The following PHKA1 variants were observed in gnomAD, a reference collection of about 807,000 sequenced individuals.
The protein encoded by PHKA1 is phosphorylase b kinase regulatory subunit alpha, skeletal muscle isoform.
PHKA1 carries 60 observed loss-of-function variants against 110.2 expected under a neutral mutation model. The observed-to-expected ratio is 0.54, with a 90% CI of 0.44 to 0.68. The LOEUF is 0.68. PHKA1 is among the 30% of genes least tolerant of loss of function. The probability of loss-of-function intolerance (pLI) is 0.00; values close to 1 mark genes in which losing one functional copy is unlikely to be tolerated. For synonymous variants in PHKA1, 316 were observed against 333.6 expected (o/e 0.95, Z 0.58); for missense variants, 801 against 942.5 (o/e 0.85, Z 1.97).
intron 2 of PHKA1, among the ~76,000 whole-genome samples, chrX:72,706,335 C>T (rs2054283093): frequency 9.0e-6 from 1 of 111,692 alleles, no homozygotes; most frequent in Non-Finnish European, 1.9e-5. Context: ...ATGATCTTGT[C>T]ACATTTTAAA....
At chrX:72,636,164 G>A in intron 15 of PHKA1, 113 bp downstream of exon 15, 1 of 521,643 alleles carries the variant, frequency 1.9e-6, no homozygotes. Context: ...TTATGTGCAA[G>A]GCCTGGTGGA....
At chrX:72,650,779 T>A (rs189904160) in intron 12 of PHKA1, among the ~76,000 whole-genome samples, 1 of 112,022 alleles carries the variant, frequency 8.9e-6, no homozygotes, top group Non-Finnish European at 1.9e-5. Context: ...TGGAGTGCAG[T>A]GGTGCAATCA....
intron 5 of PHKA1, among the ~76,000 whole-genome samples, chrX:72,682,323 G>A (rs1392690481): frequency 9.5e-6 from 1 of 104,994 alleles, no homozygotes; most frequent in South Asian, 4.4e-4. Context: ...CAGCCGCCCC[G>A]TCCGGGAGGG....
At chrX:72,630,284 AGCGGGGGTGGGG>A in intron 16 of PHKA1, among the ~76,000 whole-genome samples, 2 of 97,934 alleles carry the variant, frequency 2.0e-5, no homozygotes, top group Non-Finnish European at 4.0e-5. Context: ...AAAGAAAAAG[AGCGGGGGTGGGG>A]GAGAGAGAGA....
At chrX:72,676,359 G>A (rs1340184788) in intron 5 of PHKA1, among the ~76,000 whole-genome samples, 1 of 110,921 alleles carries the variant, frequency 9.0e-6, no homozygotes, top group Non-Finnish European at 1.9e-5. Flanking sequence ...TTCTACTGGG[G>A]CCTCCAAGCC....
intron 13 of PHKA1, among the ~76,000 whole-genome samples, chrX:72,649,515 A>G (rs2053402203): frequency 1.8e-5 from 2 of 112,081 alleles, no homozygotes; most frequent in African/African-American, 6.5e-5. Flanking sequence ...ACATGTTTAT[A>G]GAACTCAGCC....
intron 5 of PHKA1, among the ~76,000 whole-genome samples, chrX:72,682,748 C>A (rs1446532298): frequency 3.6e-5 from 3 of 82,607 alleles, no homozygotes; most frequent in Non-Finnish European, 7.0e-5. Flanking sequence ...AGAGTCATCA[C>A]CAATCCCTAA....
chrX:72,580,088 A>C lies in PHKA1; in HGVS notation c.*914T>G, dbSNP rs1182986128. The C allele has an allele frequency of 9.0e-6, 1 of 111,726 alleles. No individual in the cohort carries two copies. Among genetic ancestry groups the C allele is most frequent in the Non-Finnish European group, 1.9e-5 (1 of 53,190 alleles). 9.2% of individuals were successfully genotyped at this position (111,726 alleles called of 1,213,427 possible). A position where few individuals can be genotyped will look rare whatever the true frequency, so the allele number is the denominator to read the frequency against. ...TTCAAAGGCAGGGATTAAGCGCATA[A>C]GGCTGTCTTCAGGGAACTAAGCCAC... On this transcript the variant is annotated 3_prime_UTR_variant, in exon 32 of 32. Transcript: ENST00000373542.
At chrX:72,627,868 G>C (rs1245209927) in intron 16 of PHKA1, among the ~76,000 whole-genome samples, 1 of 102,012 alleles carries the variant, frequency 9.8e-6, no homozygotes, top group African/African-American at 3.7e-5. Context: ...CCTAGGCTGG[G>C]GTGCAATGGC....
Position 72,603,184 on chromosome X carries a change from G to A in PHKA1, c.2852C>T (p.Pro951Leu). 1 of 1,206,957 alleles carries A rather than the reference G, an allele frequency of 8.3e-7. No individual in the cohort carries two copies. The highest frequency in any genetic ancestry group is 1.1e-6 in the Non-Finnish European group (1 of 891,493). ...EATEGLMNLS[P>L]SAMKNLLHHI... ...ATGCAGGAGATTCTTCATGGCCGAAGGACTGAGATTCATCAGGCCCTCTGT... is the reference window on the plus strand; with the variant it reads ...ATGCAGGAGATTCTTCATGGCCGAAAGACTGAGATTCATCAGGCCCTCTGT... Residue 951 changes from proline to leucine, a missense_variant, in exon 26 of 32, where the codon CCT becomes CTT. Pro to Leu is a moderately conservative substitution (Grantham distance 98, BLOSUM62 -3). Around this residue, in one of 2 missense-constraint regions of PHKA1, gnomAD observed 502 missense variants for 519.2 expected, o/e 0.97. Coordinates refer to ENST00000373542, the MANE Select transcript of PHKA1 (RefSeq NM_002637.4).
At chrX:72,614,466 A>G (rs1436923207) in intron 21 of PHKA1, among the ~76,000 whole-genome samples, 2 of 111,995 alleles carry the variant, frequency 1.8e-5, no homozygotes, top group Non-Finnish European at 1.9e-5. Context: ...TATTTTTACT[A>G]TTACAGATTG....
At chrX:72,623,072 T>G in intron 18 of PHKA1, 37 bp downstream of exon 18, 1 of 1,209,546 alleles carries the variant, frequency 8.3e-7, no homozygotes, top group Non-Finnish European at 1.1e-6. Flanking sequence ...TTTGTAGTTT[T>G]GTCCAGCCAG....
chrX:72,612,561 T>G (rs2052828031), intron 21 of PHKA1, among the ~76,000 whole-genome samples: 1 of 112,156 alleles, frequency 8.9e-6, no homozygotes, highest in African/African-American at 3.2e-5. Context: ...GCCATAGCAT[T>G]TTTGTGATTG....
At chrX:72,707,346 C>T (rs1474577515) in intron 2 of PHKA1, among the ~76,000 whole-genome samples, 4 of 112,073 alleles carry the variant, frequency 3.6e-5, no homozygotes, top group Non-Finnish European at 7.5e-5. Flanking sequence ...TCTCTGAAGT[C>T]TTCCTTGCCT....
At chrX:72,588,546 A>C (rs1556218866) in intron 29 of PHKA1, among the ~76,000 whole-genome samples, 1 of 111,791 alleles carries the variant, frequency 8.9e-6, no homozygotes, top group East Asian at 2.8e-4. Flanking sequence ...ACAAATGCAA[A>C]AGCTAGCAGA....
At chrX:72,627,502 A>G (rs983302217) in intron 16 of PHKA1, among the ~76,000 whole-genome samples, 1 of 112,441 alleles carries the variant, frequency 8.9e-6, no homozygotes, top group Admixed American at 9.4e-5. Context: ...ACCTGATTTT[A>G]TGTGGAAGTA....
rs138686229 is a variant in PHKA1 at position 72,586,797 on chromosome X, G to A, written c.3244-2495C>T. ...CTACGTGACGCACGCACAAGCTTCA[G>A]TAACCAACTCAATCAAGCGGAAGAA... On this transcript the variant is annotated intron_variant, in intron 29 of 31. Transcript: ENST00000373542. Among the ~76,000 whole-genome samples, 626 of 110,184 alleles carry A rather than the reference G, an allele frequency of 5.7e-3. 2 individuals carry two copies. Among genetic ancestry groups the A allele is most frequent in the Middle Eastern group, 0.014 (3 of 215 alleles).
At chrX:72,625,676 G>A (rs934386415) in intron 17 of PHKA1, among the ~76,000 whole-genome samples, 3 of 111,384 alleles carry the variant, frequency 2.7e-5, no homozygotes, top group African/African-American at 9.8e-5. Context: ...TAAGTTGTTT[G>A]AGAAATCTCC....
intron 6 of PHKA1, among the ~76,000 whole-genome samples, chrX:72,673,061 A>T (rs2053727607): frequency 9.0e-6 from 1 of 111,646 alleles, no homozygotes; most frequent in African/African-American, 3.3e-5. Flanking sequence ...ATGTTATCTT[A>T]GACTGGATCC....
Sources: allele counts gnomAD v4.1 joint callset (sites outside exome capture counted in the v4.1 genomes callset), GRCh38; gene constraint gnomAD v4.1.1; regional missense constraint gnomAD v4.1.1; transcripts MANE v1.5; gene names NCBI Gene and HGNC (gene_info 2026-07-23, HGNC 2026-07-21).